The following TRAF3IP1 variants were observed in gnomAD, a reference collection of about 807,000 sequenced individuals.
TRAF3IP1 encodes the protein TRAF3-interacting protein 1.
In TRAF3IP1, 53 loss-of-function variants were observed where a neutral mutation model predicts 89.9. The observed-to-expected ratio is 0.59, with a 90% CI of 0.47 to 0.74. The LOEUF (loss-of-function observed/expected upper bound fraction) is 0.74. TRAF3IP1 is among the 30% of genes least tolerant of loss of function. TRAF3IP1 has a pLI of 0.00. For synonymous variants in TRAF3IP1, 311 were observed against 322.1 expected (o/e 0.97, Z 0.37); for missense variants, 806 against 866.1 (o/e 0.93, Z 0.87).
At chr2:238,397,157 C>A (rs1701262207) in intron 15 of TRAF3IP1, among the ~76,000 whole-genome samples, 1 of 152,170 alleles carries the variant, frequency 6.6e-6, no homozygotes, top group Non-Finnish European at 1.5e-5. Context: ...CTGAAATCTG[C>A]CTGTATAGAG....
chr2:238,334,078 G>GCT, intron 7 of TRAF3IP1, 43 bp downstream of exon 7: 1 of 1,089,384 alleles, frequency 9.2e-7, no homozygotes, highest in Non-Finnish European at 1.3e-6. Context: ...ATGGATATTA[G>GCT]TTTTTTTTTT....
At position 238,329,092 on chromosome 2, in the gene TRAF3IP1, C is replaced by T; in HGVS notation, c.665C>T (p.Ala222Val). The change falls in exon 5 of 17, where the codon GCC (alanine) becomes GTC (valine). Residue 222 changes from alanine (A) to valine (V), a missense_variant. This residue lies in a region of TRAF3IP1 where 732 missense variants were observed against 780.5 expected (regional missense o/e 0.94). Coordinates refer to ENST00000373327, the MANE Select transcript of TRAF3IP1 (RefSeq NM_015650.4). ...HREGERERAK[A>V]RARPDNERQK... ...GAAGGGGAGAGAGAGAGAGCCAAAGCCCGGGCCAGGCCAGACAACGAGCGA... is the reference window on the plus strand; with the variant it reads ...GAAGGGGAGAGAGAGAGAGCCAAAGTCCGGGCCAGGCCAGACAACGAGCGA... The T allele has an allele frequency of 6.4e-6, 10 of 1,550,848 alleles. No individual in the cohort carries two copies. Among genetic ancestry groups the T allele is most frequent in the Non-Finnish European group, 7.0e-6 (8 of 1,146,838 alleles).
intron 3 of TRAF3IP1, among the ~76,000 whole-genome samples, chr2:238,328,101 C>G (rs1485505609): frequency 6.6e-6 from 1 of 152,118 alleles, no homozygotes; most frequent in African/African-American, 2.4e-5. Context: ...GATAAATACC[C>G]AGAAGGGGAA....
intron 8 of TRAF3IP1, among the ~76,000 whole-genome samples, chr2:238,340,862 G>T (rs1247320268): frequency 6.7e-6 from 1 of 149,916 alleles, no homozygotes; most frequent in Non-Finnish European, 1.5e-5. Context: ...GAGAGAGACA[G>T]AGAGACAGAG....
At chr2:238,367,979 G>GA (rs11428849) in intron 15 of TRAF3IP1, among the ~76,000 whole-genome samples, 36,111 of 147,436 alleles carry the variant, frequency 0.24, 4,479 homozygotes, top group African/African-American at 0.29. Flanking sequence ...GCTTCCCTTT[G>GA]AAAAAAAAAA....
chr2:238,351,711 T>A lies in TRAF3IP1; in HGVS notation c.1452-1116T>A, dbSNP rs897232484. Among the ~76,000 whole-genome samples, 1 of 152,112 alleles carries A rather than the reference T, an allele frequency of 6.6e-6. No homozygotes were observed. Among genetic ancestry groups the A allele is most frequent in the East Asian group, 1.9e-4 (1 of 5,178 alleles). ...GCCACACAGGTGGTTGTTGAGTGTC[T>A]CAAGGACCCAGTTGAGGAAGTCGAG... is the stretch of plus-strand genomic sequence containing the variant. On this transcript the variant is annotated intron_variant, in intron 12 of 16. Transcript: ENST00000373327. The surrounding 1 kb of genome is among the most constrained non-coding windows in gnomAD (Gnocchi z 5.2).
intron 15 of TRAF3IP1, among the ~76,000 whole-genome samples, chr2:238,367,616 C>T (rs528069532): frequency 2.3e-4 from 35 of 152,284 alleles, no homozygotes; most frequent in African/African-American, 7.5e-4. Flanking sequence ...CTGTGGGACA[C>T]GGGAGAGACC....
At chr2:238,360,898 A>G (rs1699629257) in intron 15 of TRAF3IP1, among the ~76,000 whole-genome samples, 1 of 151,928 alleles carries the variant, frequency 6.6e-6, no homozygotes, top group Non-Finnish European at 1.5e-5. Context: ...TTTTTTTCAT[A>G]GTTGTAATTT....
rs554388632 is a variant in TRAF3IP1, at chr2:238,332,492, C to T, written c.916-332C>T. ...TCATTCCCTCCCTCACTTCCAGATC[C>T]CTGGGTTTCATTGCGATATGTTTCC... On this transcript the variant is annotated intron_variant, in intron 5 of 16. Transcript: ENST00000373327. Among the ~76,000 whole-genome samples the T allele has an allele frequency of 4.6e-5, 7 of 152,304 alleles. No homozygotes were observed. The South Asian group carries it at 1.2e-3, about 27-fold the overall frequency.
At chr2:238,358,539 A>G (rs1367108922) in intron 15 of TRAF3IP1, among the ~76,000 whole-genome samples, 4 of 152,212 alleles carry the variant, frequency 2.6e-5, no homozygotes, top group Non-Finnish European at 5.9e-5. Context: ...GTCTCAAAAA[A>G]AACATGTAGG....
intron 10 of TRAF3IP1, among the ~76,000 whole-genome samples, chr2:238,347,810 A>G (rs1698966474): frequency 6.6e-6 from 1 of 152,016 alleles, no homozygotes; most frequent in Non-Finnish European, 1.5e-5. Context: ...TATTTTTAGT[A>G]GAGACGGGGT....
intron 15 of TRAF3IP1, among the ~76,000 whole-genome samples, chr2:238,382,212 G>T (rs1559390812): frequency 6.6e-6 from 1 of 152,176 alleles, no homozygotes; most frequent in Non-Finnish European, 1.5e-5. Context: ...AGGCGAAACA[G>T]ATGCCACAGT....
chr2:238,357,006 C>A (rs1220779099), intron 15 of TRAF3IP1, among the ~76,000 whole-genome samples: 2 of 152,186 alleles, frequency 1.3e-5, no homozygotes, highest in Non-Finnish European at 2.9e-5. Context: ...TCTCGATCTC[C>A]TGACCTCGTG....
chr2:238,397,076 A>G (rs1185589830), intron 15 of TRAF3IP1, among the ~76,000 whole-genome samples: 1 of 152,182 alleles, frequency 6.6e-6, no homozygotes, highest in Non-Finnish European at 1.5e-5. Flanking sequence ...CTGCCAGTCC[A>G]TTTGGGAAAA....
At chr2:238,340,952 G>A (rs1698624936) in intron 8 of TRAF3IP1, among the ~76,000 whole-genome samples, 3 of 152,016 alleles carry the variant, frequency 2.0e-5, no homozygotes, top group African/African-American at 7.2e-5. Flanking sequence ...CCGCCTCCCG[G>A]GTTCAAGCGA....
At chr2:238,327,216 A>G (rs6728430) in intron 3 of TRAF3IP1, among the ~76,000 whole-genome samples, 109,221 of 152,162 alleles carry the variant, frequency 0.72, 39,385 homozygotes, top group Middle Eastern at 0.77. Flanking sequence ...GCTTCTTGGT[A>G]CCTGAGCTGC....
At chr2:238,326,207 A>G (rs1290798086) in intron 3 of TRAF3IP1, among the ~76,000 whole-genome samples, 1 of 152,244 alleles carries the variant, frequency 6.6e-6, no homozygotes, top group Non-Finnish European at 1.5e-5. Flanking sequence ...GCAAGCTTTC[A>G]GTAGAAAGTC....
intron 15 of TRAF3IP1, among the ~76,000 whole-genome samples, chr2:238,372,941 T>C (rs1209681482): frequency 6.6e-6 from 1 of 152,246 alleles, no homozygotes; most frequent in Admixed American, 6.5e-5. Flanking sequence ...TTTTGAGAAG[T>C]GTCTGTTCAT....
intron 5 of TRAF3IP1, among the ~76,000 whole-genome samples, chr2:238,330,249 A>T (rs1163867062): frequency 6.6e-6 from 1 of 152,238 alleles, no homozygotes; most frequent in Non-Finnish European, 1.5e-5. Context: ...GCAGATAAGT[A>T]CAATAAGACC....
Sources: gnomAD v4.1 joint callset for allele counts (sites outside exome capture counted in the v4.1 genomes callset) on GRCh38, gnomAD v4.1.1 for gene constraint, gnomAD v4.1.1 regional missense constraint, Gnocchi (gnomAD v3.1) non-coding constraint, MANE v1.5 for transcripts, NCBI Gene and HGNC (gene_info 2026-07-23, HGNC 2026-07-21) for gene names.